BRIP1: variants seen among roughly 807,000 people sequenced by gnomAD.
BRIP1 encodes the protein BRCA1 interacting DNA helicase 1, also known as Fanconi anemia group J protein.
BRIP1 carries 88 observed loss-of-function variants against 119.7 expected under a neutral mutation model. That is an observed-to-expected ratio of 0.74 (90% confidence interval 0.62 to 0.88). The LOEUF is 0.88. Among genes scored for constraint, BRIP1 ranks in the 40% least tolerant of loss-of-function variants. The probability of loss-of-function intolerance (pLI) is 0.00; values close to 1 mark genes in which losing one functional copy is unlikely to be tolerated. For synonymous variants in BRIP1, 443 were observed against 496.5 expected (o/e 0.89, Z 1.43); for missense variants, 1,259 against 1,455.4 (o/e 0.87, Z 2.20).
Position 61,853,691 on chromosome 17 carries a change from C to T in BRIP1, c.379+3367G>A, listed in dbSNP as rs2078855236. On this transcript the variant is annotated intron_variant, in intron 4 of 19. Coordinates refer to ENST00000259008, the MANE Select transcript of BRIP1 (RefSeq NM_032043.3). This position sits in a 1 kb window ranked among gnomAD's most constrained non-coding sequence, Gnocchi z 4.3. The stretch of plus-strand genomic sequence containing the variant: ...CAGGTGCTGAACAACTGGATATCCA[C>T]ATGCAAAAAAATGAACTTGAATCCA... Among the ~76,000 whole-genome samples the T allele has an allele frequency of 6.6e-6, 1 of 152,096 alleles. No individual in the cohort carries two copies. Among genetic ancestry groups the T allele is most frequent in the Admixed American group, 6.5e-5 (1 of 15,270 alleles).
chr17:61,761,861 C>T lies in BRIP1; in HGVS notation c.2097+14540G>A, dbSNP rs2077281588. Among the ~76,000 whole-genome samples the T allele has an allele frequency of 6.6e-6, 1 of 151,990 alleles. No individual in the cohort carries two copies. The highest frequency in any genetic ancestry group is 2.4e-5 in the African/African-American group (1 of 41,408). On this transcript the variant is annotated intron_variant, in intron 14 of 19. Transcript: ENST00000259008. This position sits in a 1 kb window ranked among gnomAD's most constrained non-coding sequence, Gnocchi z 6.4. ...AAGTGACATATTGATTCAATGTAAT[C>T]TCTATCAAAATTCCAATGTCATTTT...
In BRIP1 at chr17:61,729,868, G is replaced by T. The variant is rs1012023020; in HGVS notation, c.2379+13145C>A. Among the ~76,000 whole-genome samples the T allele has an allele frequency of 1.3e-5, 2 of 151,948 alleles. No homozygotes were observed. Among genetic ancestry groups the T allele is most frequent in the African/African-American group, 4.8e-5 (2 of 41,342 alleles). On this transcript the variant is annotated intron_variant, in intron 16 of 19. Coordinates refer to ENST00000259008, the MANE Select transcript of BRIP1 (RefSeq NM_032043.3). This position sits in a 1 kb window ranked among gnomAD's most constrained non-coding sequence, Gnocchi z 5.6. Reference sequence around the variant, plus strand: ...AACTGGTGGCAGGGTGACCGTGGGGGGTGTCTAGATCCCACTACCGGCATC... The same window carrying T: ...AACTGGTGGCAGGGTGACCGTGGGGTGTGTCTAGATCCCACTACCGGCATC...
chr17:61,844,351 C>T lies in BRIP1; in HGVS notation c.627+2750G>A, dbSNP rs539673132. ...TATAATCCCAAAACTCTGGGAGGCC[C>T]AGGCAAGAGGATCACTGGAGGCCAT... On this transcript the variant is annotated intron_variant, in intron 6 of 19. Transcript: ENST00000259008. The surrounding 1 kb of genome is among the most constrained non-coding windows in gnomAD (Gnocchi z 4.7). 3.3e-4 allele frequency among the ~76,000 whole-genome samples: 50 copies of T among 152,266 alleles called. No homozygotes were observed. Among genetic ancestry groups the T allele is most frequent in the Non-Finnish European group, 5.7e-4 (39 of 68,022 alleles).
intron 6 of BRIP1, among the ~76,000 whole-genome samples, chr17:61,835,241 C>T (rs1444288001): frequency 6.6e-6 from 1 of 151,962 alleles, no homozygotes; most frequent in South Asian, 2.1e-4. Context: ...ACATCTTGAC[C>T]TGATGTATTT....
chr17:61,820,866 C>T (rs2078310134), intron 6 of BRIP1, among the ~76,000 whole-genome samples: 1 of 151,760 alleles, frequency 6.6e-6, no homozygotes. Flanking sequence ...AGGAGAATCA[C>T]TTGAGCCAGG....
chr17:61,747,802 C>G (rs2077077875), intron 14 of BRIP1, among the ~76,000 whole-genome samples: 1 of 152,042 alleles, frequency 6.6e-6, no homozygotes, highest in African/African-American at 2.4e-5. Flanking sequence ...GTAATGTGAT[C>G]ATAGTTCACT....
In BRIP1 at chr17:61,745,767, C is replaced by T. The variant is rs144734961; in HGVS notation, c.2098-1176G>A. ...ATGAATAAGAAAAGCACTCACAATTCGAAACATGTGGCATACAGCAATGGC... is the reference window on the plus strand; with the variant it reads ...ATGAATAAGAAAAGCACTCACAATTTGAAACATGTGGCATACAGCAATGGC... On this transcript the variant is annotated intron_variant, in intron 14 of 19. Coordinates refer to ENST00000259008, the MANE Select transcript of BRIP1 (RefSeq NM_032043.3). The surrounding 1 kb of genome is among the most constrained non-coding windows in gnomAD (Gnocchi z 4.4). 6.4e-3 allele frequency among the ~76,000 whole-genome samples: 967 copies of T among 152,022 alleles called. 8 individuals are homozygous for T. The highest frequency in any genetic ancestry group is 0.022 in the African/African-American group (920 of 41,448).
Position 61,808,690 on chromosome 17 carries a change from G to C in BRIP1, c.695C>G (p.Thr232Ser), listed in dbSNP as rs762781085. The change falls in exon 7 of 20, where the codon ACC becomes AGC. Residue 232 changes from threonine to serine, a missense_variant. By Grantham distance (58) the Thr-to-Ser change is moderately conservative. Transcript: ENST00000259008. The surrounding 1 kb of genome is among the most constrained non-coding windows in gnomAD (Gnocchi z 4.1). The stretch of plus-strand genomic sequence containing the variant: ...TTTCCCTGTATGATCCTTCTTAATG[G>C]TATTCGATGACTCTTGACTGTTTCC... ...KQGNSQESSN[T>S]IKKDHTGKSK... is the part of the protein sequence containing the mutation. The C allele has an allele frequency of 5.6e-6, 9 of 1,613,774 alleles. No homozygotes were observed. The highest frequency in any genetic ancestry group is 7.6e-6 in the Non-Finnish European group (9 of 1,179,792).
At position 61,795,659 on chromosome 17, in the gene BRIP1, T is replaced by C. The variant is rs1471683449; in HGVS notation, c.1341-1930A>G. Among the ~76,000 whole-genome samples the C allele has an allele frequency of 2.0e-5, 3 of 152,212 alleles. No homozygotes were observed. The highest frequency in any genetic ancestry group is 1.3e-4 in the Admixed American group (2 of 15,272). ...TTTTCTTTATCCATTCATCTGTTGATGGACATTTAGGCTGCTTTCAAATCT... is the reference window on the plus strand; with the variant it reads ...TTTTCTTTATCCATTCATCTGTTGACGGACATTTAGGCTGCTTTCAAATCT... On this transcript the variant is annotated intron_variant, in intron 9 of 19. Transcript: ENST00000259008. This position sits in a 1 kb window ranked among gnomAD's most constrained non-coding sequence, Gnocchi z 5.6.
chr17:61,750,628 A>G (rs901653557), intron 14 of BRIP1, among the ~76,000 whole-genome samples: 2 of 152,174 alleles, frequency 1.3e-5, no homozygotes, highest in Admixed American at 6.5e-5. Context: ...AGAAGATATA[A>G]AGAACTACAA....
intron 14 of BRIP1, among the ~76,000 whole-genome samples, chr17:61,765,604 T>C (rs1212488126): frequency 1.3e-5 from 2 of 149,298 alleles, no homozygotes; most frequent in African/African-American, 2.5e-5. Context: ...TCCGGTTAAT[T>C]TTGAATTTTT....
Position 61,717,648 on chromosome 17 carries a change from G to A in BRIP1, c.2380-1585C>T, listed in dbSNP as rs2061900898. ...TTTAGCGACTTTGGATTGGATTACAGTGTGCTGTTGTGTGTATTTTGCTTG... is the reference window on the plus strand; with the variant it reads ...TTTAGCGACTTTGGATTGGATTACAATGTGCTGTTGTGTGTATTTTGCTTG... On this transcript the variant is annotated intron_variant, in intron 16 of 19. Transcript: ENST00000259008. This position sits in a 1 kb window ranked among gnomAD's most constrained non-coding sequence, Gnocchi z 4.1. Among the ~76,000 whole-genome samples, 1 of 152,044 alleles carries A rather than the reference G, an allele frequency of 6.6e-6. No homozygotes were observed. The highest frequency in any genetic ancestry group is 2.4e-5 in the African/African-American group (1 of 41,418).
chr17:61,764,010 A>T (rs2077315569), intron 14 of BRIP1, among the ~76,000 whole-genome samples: 1 of 152,152 alleles, frequency 6.6e-6, no homozygotes, highest in South Asian at 2.1e-4. Context: ...ACTACCCAAT[A>T]TCCATAAAAT....
At chr17:61,697,798 C>A (rs1354945218) in intron 17 of BRIP1, among the ~76,000 whole-genome samples, 3 of 151,168 alleles carry the variant, frequency 2.0e-5, no homozygotes, top group Non-Finnish European at 2.9e-5. Context: ...TTTTAAAATA[C>A]AGATGTTTAC....
In BRIP1 at chr17:61,852,079, T is replaced by G. The variant is rs575933046; in HGVS notation, c.380-2823A>C. 2.6e-5 allele frequency among the ~76,000 whole-genome samples: 4 copies of G among 152,280 alleles called. No individual in the cohort carries two copies. Among genetic ancestry groups the G allele is most frequent in the Admixed American group, 6.5e-5 (1 of 15,296 alleles). The stretch of plus-strand genomic sequence containing the variant: ...GTGGAGAAACTCTGTCCCAAATAAA[T>G]ACGGGGCAAACTGACATGGGCCTAT... On this transcript the variant is annotated intron_variant, in intron 4 of 19. Coordinates refer to ENST00000259008, the MANE Select transcript of BRIP1 (RefSeq NM_032043.3). The surrounding 1 kb of genome is among the most constrained non-coding windows in gnomAD (Gnocchi z 4.9).
At chr17:61,688,843 G>C (rs1021977554) in intron 18 of BRIP1, among the ~76,000 whole-genome samples, 6 of 146,440 alleles carry the variant, frequency 4.1e-5, no homozygotes, top group Non-Finnish European at 6.0e-5. Flanking sequence ...AAATAATATA[G>C]AAAAAAAGGA....
In BRIP1 at chr17:61,684,238, T is replaced by A. The variant is rs2061328780; in HGVS notation, c.2906-98A>T. On this transcript the variant is annotated intron_variant, in intron 19 of 19. Transcript: ENST00000259008. This position sits in a 1 kb window ranked among gnomAD's most constrained non-coding sequence, Gnocchi z 4.5. ...TTTATTAGAAATACCTAAATAACTG[T>A]ATAGGATACATAACTTAGAGCCCCC... 7.4e-7 allele frequency: 1 copy of A among 1,356,148 alleles called. No homozygotes were observed. Among genetic ancestry groups the A allele is most frequent in the Non-Finnish European group, 1.0e-6 (1 of 990,246 alleles). 84.0% of individuals were successfully genotyped at this position (1,356,148 alleles called of 1,614,324 possible).
chr17:61,837,425 C>T lies in BRIP1; in HGVS notation c.627+9676G>A, dbSNP rs1428499066. Among the ~76,000 whole-genome samples, 3 of 151,970 alleles carry T rather than the reference C, an allele frequency of 2.0e-5. No individual in the cohort carries two copies. In the South Asian group the frequency reaches 6.3e-4, roughly 32 times the overall value. On this transcript the variant is annotated intron_variant, in intron 6 of 19. Transcript: ENST00000259008. ...AGGTCAACAGCGCACTCTGCTGGACCCAAGTGTCTTCCACACACCAGGCCC... is the reference window on the plus strand; with the variant it reads ...AGGTCAACAGCGCACTCTGCTGGACTCAAGTGTCTTCCACACACCAGGCCC...
chr17:61,765,379 T>TATTA (rs1191564195), intron 14 of BRIP1, among the ~76,000 whole-genome samples: 1 of 37,748 alleles, frequency 2.6e-5, no homozygotes, highest in African/African-American at 1.1e-4. Flanking sequence ...TGTGTATATA[T>TATTA]TATATATATA....
Sources: allele counts gnomAD v4.1 joint callset (sites outside exome capture counted in the v4.1 genomes callset), GRCh38; gene constraint gnomAD v4.1.1; non-coding constraint Gnocchi (gnomAD v3.1); transcripts MANE v1.5; gene names NCBI Gene and HGNC (gene_info 2026-07-23, HGNC 2026-07-21).